DNAH3: variants seen among roughly 807,000 people sequenced by gnomAD.
DNAH3 encodes the protein axonemal beta dynein heavy chain 3.
DNAH3 carries 332 observed loss-of-function variants against 432.5 expected under a neutral mutation model. The observed-to-expected ratio is 0.77, with a 90% CI of 0.70 to 0.84. The LOEUF is 0.84. DNAH3 is among the 40% of genes least tolerant of loss of function. The pLI, the probability that DNAH3 is intolerant of heterozygous loss-of-function variation, is 0.00. For missense variants in DNAH3, 4,861 were observed against 5,114.0 expected (o/e 0.95, Z 1.51); for synonymous variants, 1,956 against 1,900.2 (o/e 1.03, Z -0.76).
exon 48 of DNAH3, chr16:20,985,680 G>A (rs1331222761): frequency 6.8e-6 from 11 of 1,613,870 alleles, no homozygotes; most frequent in South Asian, 3.3e-5. Flanking sequence ...TGTTATCATC[G>A]ACTATCTTTC....
exon 47 of DNAH3, chr16:20,987,403 C>G (rs761739471): frequency 6.2e-7 from 1 of 1,614,152 alleles, no homozygotes; most frequent in South Asian, 1.1e-5. Flanking sequence ...TCATAGAAGA[C>G]CCGATAAACC....
chr16:21,047,313 C>G lies in DNAH3; in HGVS notation c.4461+2256G>C, dbSNP rs879909385. On this transcript the variant is annotated intron_variant, in intron 31 of 61. Transcript: ENST00000261383. ...TTCTCCCCATCACTTTCAGGTACAC[C>G]AATCAGACGTAGATTTGGTCTTTTC... is the stretch of plus-strand genomic sequence containing the variant. 2.5e-3 allele frequency among the ~76,000 whole-genome samples: 369 copies of G among 147,774 alleles called. 1 individual carries two copies. Among genetic ancestry groups the G allele is most frequent in the Non-Finnish European group, 4.4e-3 (292 of 67,068 alleles).
rs528476243 is a variant in DNAH3, at chr16:21,034,142, G to T, written c.5086-57C>A. 2.7e-4 allele frequency: 314 copies of T among 1,168,828 alleles called. 3 individuals are homozygous for T. The South Asian group carries it at 4.0e-3, about 15-fold the overall frequency. The allele number at this position is 1,168,828 out of a possible 1,614,324, so 72.4% of individuals were successfully genotyped here. ...AATCATTGCAACGCTCCCCCATTGT[G>T]AGTTAGTCAGAAGTCAATGAGGAAT... On this transcript the variant is annotated intron_variant, in intron 35 of 61. Coordinates refer to ENST00000261383, the Ensembl canonical transcript of DNAH3.
At chr16:21,144,917 A>G (rs1322071427) in intron 3 of DNAH3, among the ~76,000 whole-genome samples, 1 of 152,030 alleles carries the variant, frequency 6.6e-6, no homozygotes, top group Non-Finnish European at 1.5e-5. Flanking sequence ...CAGGAGTTTG[A>G]GACCAGCCTG....
chr16:21,099,955 C>T (rs1254993184), intron 16 of DNAH3, among the ~76,000 whole-genome samples: 1 of 152,176 alleles, frequency 6.6e-6, no homozygotes, highest in Non-Finnish European at 1.5e-5. Flanking sequence ...AATAAGGGAA[C>T]TTGTCATTGA....
chr16:20,945,546 A>C (rs568745159), intron 57 of DNAH3, among the ~76,000 whole-genome samples: 3 of 150,548 alleles, frequency 2.0e-5, no homozygotes, highest in African/African-American at 7.3e-5. Context: ...GCTGGAGTGC[A>C]GTGGTACTAT....
intron 1 of DNAH3, among the ~76,000 whole-genome samples, chr16:21,157,619 C>T (rs2092907841): frequency 6.6e-6 from 1 of 152,058 alleles, no homozygotes; most frequent in Non-Finnish European, 1.5e-5. Flanking sequence ...TGTGAGCCAC[C>T]GCACCCTGCC....
Position 20,963,252 on chromosome 16 carries a change from T to C in DNAH3, c.10600+32A>G, listed in dbSNP as rs763442879. On this transcript the variant is annotated intron_variant, in intron 53 of 61. Coordinates refer to ENST00000261383, the Ensembl canonical transcript of DNAH3. ...ATATCCACCCACACATACTGGGCTTTCCACGTCTCTCCCACAACACTCTGT... is the reference window on the plus strand; with the variant it reads ...ATATCCACCCACACATACTGGGCTTCCCACGTCTCTCCCACAACACTCTGT... 5 of 1,595,642 alleles carry C rather than the reference T, an allele frequency of 3.1e-6. No homozygotes were observed. The African/African-American group carries it at 6.7e-5, about 21-fold the overall frequency.
chr16:21,126,553 C>G (rs975820546), intron 8 of DNAH3, among the ~76,000 whole-genome samples: 5 of 152,266 alleles, frequency 3.3e-5, no homozygotes, highest in African/African-American at 1.2e-4. Context: ...GCCTTGAAAT[C>G]TTGAGGCCGT....
chr16:21,123,821 G>A (rs2092393110), intron 9 of DNAH3, among the ~76,000 whole-genome samples: 1 of 151,370 alleles, frequency 6.6e-6, no homozygotes, highest in South Asian at 2.1e-4. Flanking sequence ...ACAGAGTCTC[G>A]CTCTGTCACC....
rs1315538617 is a variant in DNAH3 at position 21,060,908 on chromosome 16, G to T, written c.3721-552C>A. On this transcript the variant is annotated intron_variant, in intron 25 of 61. Transcript: ENST00000261383. ...ACTGGAGTGCGGTGGCACGATCCTG[G>T]CTCACTGCAGCCTTGAACTCCTGGG... Among the ~76,000 whole-genome samples the T allele has an allele frequency of 3.3e-5, 5 of 149,798 alleles. No individual in the cohort carries two copies. In the South Asian group the frequency reaches 1.1e-3, roughly 32 times the overall value.
rs116464478 is a variant in DNAH3, at chr16:20,995,827, C to T, written c.6601+1456G>A. Among the ~76,000 whole-genome samples the T allele has an allele frequency of 5.0e-3, 768 of 152,342 alleles. 5 individuals carry two copies. The highest frequency in any genetic ancestry group is 0.017 in the African/African-American group (720 of 41,572). On this transcript the variant is annotated intron_variant, in intron 44 of 61. Coordinates refer to ENST00000261383, the Ensembl canonical transcript of DNAH3. ...ACCATGGGCTGGGTCACTGCAGTCA[C>T]TAGTTTCAGCAGGTGAAAACCCTGT... is the stretch of plus-strand genomic sequence containing the variant.
intron 53 of DNAH3, among the ~76,000 whole-genome samples, chr16:20,960,000 A>G (rs940669001): frequency 2.0e-5 from 3 of 152,192 alleles, no homozygotes; most frequent in African/African-American, 7.2e-5. Flanking sequence ...AAGCATTTGT[A>G]AAGTGAAATA....
chr16:21,088,052 G>A (rs559671245), intron 18 of DNAH3, among the ~76,000 whole-genome samples: 2 of 151,898 alleles, frequency 1.3e-5, no homozygotes, highest in Non-Finnish European at 2.9e-5. Context: ...GCCCCTGCTT[G>A]GATATTTCAA....
At chr16:21,104,406 G>T in intron 16 of DNAH3, 65 bp downstream of exon 16, 1 of 1,432,812 alleles carries the variant, frequency 7.0e-7, no homozygotes, top group South Asian at 1.2e-5. Flanking sequence ...ACAGAACCAG[G>T]AACCTGCAGC....
At chr16:20,987,624 T>C in intron 46 of DNAH3, 69 bp downstream of exon 46, 1 of 1,575,230 alleles carries the variant, frequency 6.3e-7, no homozygotes, top group South Asian at 1.1e-5. Flanking sequence ...CTATTACTGC[T>C]ATTACTACAT....
In DNAH3 at chr16:20,964,757, G is replaced by T. The variant is rs144235899; in HGVS notation, c.9127C>A (p.His3043Asn). 5.7e-5 allele frequency: 92 copies of T among 1,613,956 alleles called. No individual in the cohort carries two copies. The highest frequency in any genetic ancestry group is 7.3e-5 in the Non-Finnish European group (86 of 1,180,034). ...ATTTTTATGGGATCCCCTAACGTGTGGCTGAGACTGAAGTCACTGAAGCCA... is the reference window on the plus strand; with the variant it reads ...ATTTTTATGGGATCCCCTAACGTGTTGCTGAGACTGAAGTCACTGAAGCCA... Residue 3043 changes from histidine to asparagine, a missense_variant, in exon 53 of 62, where the codon CAC becomes AAC. Physicochemically the swap from His to Asn is moderately conservative, Grantham distance 68 (BLOSUM62 1). Coordinates refer to ENST00000261383, the Ensembl canonical transcript of DNAH3.
At chr16:21,123,739 A>T (rs988107081) in intron 9 of DNAH3, among the ~76,000 whole-genome samples, 35 of 152,130 alleles carry the variant, frequency 2.3e-4, no homozygotes, top group African/African-American at 8.4e-4. Flanking sequence ...AGGCTATCCA[A>T]ATTCAGGGAA....
chr16:21,060,519 T>C lies in DNAH3; in HGVS notation c.3721-163A>G, dbSNP rs1017389594. Among the ~76,000 whole-genome samples the C allele has an allele frequency of 6.7e-5, 8 of 120,134 alleles. No homozygotes were observed. In the East Asian group the frequency reaches 2.2e-3, roughly 33 times the overall value. The allele number at this position is 120,134 out of a possible 152,430, so 78.8% of individuals were successfully genotyped here. A position where few individuals can be genotyped will look rare whatever the true frequency, so the allele number is the denominator to read the frequency against. On this transcript the variant is annotated intron_variant, in intron 25 of 61. Coordinates refer to ENST00000261383, the Ensembl canonical transcript of DNAH3. ...TGTCTCCCCGTTCTTTTTTTCTTTT[T>C]TTTTTTCTTTTTTTTTTTTTTTTTG...
Sources: gnomAD v4.1 joint callset for allele counts (sites outside exome capture counted in the v4.1 genomes callset) on GRCh38, gnomAD v4.1.1 for gene constraint, MANE v1.5 for transcripts, NCBI Gene and HGNC (gene_info 2026-07-23, HGNC 2026-07-21) for gene names.